Variants in GPCPD1 observed in about 807,000 individuals in gnomAD.
GPCPD1 encodes the protein glycerophosphocholine phosphodiesterase GPCPD1.
Under a neutral mutation model 89.2 loss-of-function variants are expected in GPCPD1, and 29 were observed. The ratio of observed to expected loss-of-function variants is 0.33; its 90% CI spans 0.24 to 0.44. The LOEUF (loss-of-function observed/expected upper bound fraction) is 0.44, where lower values mean the gene tolerates loss of function less well. Among genes scored for constraint, GPCPD1 ranks in the 20% least tolerant of loss-of-function variants. The probability of loss-of-function intolerance (pLI) is 1.00; values close to 1 mark genes in which losing one functional copy is unlikely to be tolerated. For missense variants in GPCPD1, 594 were observed against 808.9 expected (o/e 0.73, Z 3.22); for synonymous variants, 258 against 266.3 (o/e 0.97, Z 0.30).
intron 8 of GPCPD1, among the ~76,000 whole-genome samples, chr20:5,577,490 G>GAAA (rs763705757): frequency 8.4e-5 from 5 of 59,802 alleles, no homozygotes; most frequent in Admixed American, 1.9e-4. Context: ...CCTCTCTCCA[G>GAAA]AAAAAAAAAA....
In GPCPD1 at chr20:5,584,303, G is replaced by A. The variant is rs142496941; in HGVS notation, c.327C>T (p.Asp109=). 115 of 1,422,694 alleles carry A rather than the reference G, an allele frequency of 8.1e-5. No individual in the cohort carries two copies. In the East Asian group the frequency reaches 2.3e-3, roughly 28 times the overall value. 88.1% of individuals were successfully genotyped at this position (1,422,694 alleles called of 1,614,324 possible). A position where few individuals can be genotyped will look rare whatever the true frequency, so the allele number is the denominator to read the frequency against. Residue 109 remains aspartate (D), a synonymous_variant, in exon 6 of 20, where the codon GAC becomes GAT. Transcript: ENST00000379019. ...TACTGTGGATTCCAAATTGTCCATC[G>A]TCAATAATAATTTCGCTTTCTAGAA... The part of the protein sequence containing the change: ...ITPLESEIII[D]DGQFGIHNGV...
In GPCPD1 at chr20:5,576,040, T is replaced by TACACACAC. The variant is rs36119025; in HGVS notation, c.706-70_706-63dup. On this transcript the variant is annotated intron_variant, in intron 8 of 19. Transcript: ENST00000379019. Reference sequence around the variant, plus strand: ...AACTTCTACATTACATACATACATATACACACACACACACACACACAGACA... The same window carrying TACACACAC: ...AACTTCTACATTACATACATACATATACACACACACACACACACACACACACACAGACA... 2.5e-5 allele frequency: 15 copies of TACACACAC among 603,338 alleles called. No individual in the cohort carries two copies. The African/African-American group carries it at 2.6e-4, about 11-fold the overall frequency. 37.4% of individuals were successfully genotyped at this position (603,338 alleles called of 1,614,324 possible).
At chr20:5,583,155 CAG>C (rs758373986) in intron 6 of GPCPD1, among the ~76,000 whole-genome samples, 5 of 139,844 alleles carry the variant, frequency 3.6e-5, no homozygotes, top group East Asian at 2.1e-4. Context: ...ACCTGGGAGG[CAG>C]AGAGTGCGGT....
intron 4 of GPCPD1, among the ~76,000 whole-genome samples, chr20:5,591,613 T>C (rs1979332204): frequency 6.6e-6 from 1 of 152,224 alleles, no homozygotes; most frequent in South Asian, 2.1e-4. Context: ...TTCCAATAAT[T>C]TACATCATTT....
At chr20:5,572,086 A>G (rs1324004763) in intron 11 of GPCPD1, among the ~76,000 whole-genome samples, 1 of 151,582 alleles carries the variant, frequency 6.6e-6, no homozygotes, top group Non-Finnish European at 1.5e-5. Context: ...AGGTATGATG[A>G]CACATGCCTG....
At chr20:5,560,216 C>A in intron 16 of GPCPD1, 140 bp from the exon 17 acceptor site, 1 of 498,578 alleles carries the variant, frequency 2.0e-6, no homozygotes. Flanking sequence ...ATGATGAAAC[C>A]TGAAAAGATT....
At chr20:5,556,672 A>G (rs894795228) in intron 19 of GPCPD1, among the ~76,000 whole-genome samples, 16 of 152,214 alleles carry the variant, frequency 1.1e-4, no homozygotes, top group Non-Finnish European at 1.9e-4. Flanking sequence ...TCTTTATACT[A>G]AAGAAACCTT....
chr20:5,578,754 A>G, intron 7 of GPCPD1, 143 bp from the exon 8 acceptor site: 1 of 622,364 alleles, frequency 1.6e-6, no homozygotes, highest in Non-Finnish European at 2.9e-6. Context: ...TGCAAAGATT[A>G]CACATACTAC....
intron 11 of GPCPD1, among the ~76,000 whole-genome samples, chr20:5,571,325 T>G (rs946420962): frequency 4.6e-5 from 7 of 152,254 alleles, no homozygotes; most frequent in African/African-American, 1.4e-4. Context: ...TTCTAACTAT[T>G]AAACATTTTA....
At chr20:5,580,242 AC>A (rs1327989456) in intron 6 of GPCPD1, 111 bp from the exon 7 acceptor site, 5 of 563,964 alleles carry the variant, frequency 8.9e-6, no homozygotes, top group Non-Finnish European at 1.6e-5. Flanking sequence ...TTTTTTTTTA[AC>A]CTCCAAAGGA....
intron 19 of GPCPD1, 110 bp downstream of exon 19, chr20:5,557,831 CCTCA>C: frequency 1.6e-6 from 1 of 610,944 alleles, no homozygotes; most frequent in Non-Finnish European, 2.8e-6. Context: ...GTCAAGATAA[CCTCA>C]GGCTGAACTG....
intron 14 of GPCPD1, 52 bp from the exon 15 acceptor site, chr20:5,565,130 A>G: frequency 1.1e-6 from 1 of 904,338 alleles, no homozygotes; most frequent in South Asian, 1.3e-5. Context: ...CTATATCACT[A>G]AGAGCTTTCT....
At chr20:5,578,712 C>G (rs1025814038) in intron 7 of GPCPD1, 101 bp from the exon 8 acceptor site, 11 of 688,530 alleles carry the variant, frequency 1.6e-5, no homozygotes, top group African/African-American at 1.4e-4. Context: ...CCCAAATATG[C>G]TAAATCTTCG....
rs35980274 is a variant in GPCPD1 at position 5,577,065 on chromosome 20, GTT to G, written c.706-1089_706-1088del. 4.1e-3 allele frequency among the ~76,000 whole-genome samples: 467 copies of G among 113,848 alleles called. 1 individual carries two copies. The highest frequency in any genetic ancestry group is 0.014 in the African/African-American group (396 of 28,964). The allele number at this position is 113,848 out of a possible 152,430, so 74.7% of individuals were successfully genotyped here. ...CAAAAAAAAAGTTGTTTTTTTTTTT[GTT>G]TTTTTTTTTTTTTCTGAGATGGAGT... is the stretch of plus-strand genomic sequence containing the variant. On this transcript the variant is annotated intron_variant, in intron 8 of 19. Transcript: ENST00000379019.
At chr20:5,598,967 G>C (rs1392251953) in intron 2 of GPCPD1, 146 bp from the exon 3 acceptor site, 7 of 623,430 alleles carry the variant, frequency 1.1e-5, no homozygotes, top group Non-Finnish European at 2.0e-5. Flanking sequence ...TTGGGCCCAG[G>C]TACCTACCAC....
intron 7 of GPCPD1, among the ~76,000 whole-genome samples, chr20:5,579,450 C>T (rs781445922): frequency 2.4e-4 from 36 of 152,158 alleles, no homozygotes; most frequent in Non-Finnish European, 4.0e-4. Flanking sequence ...CGGGTTCAAG[C>T]GATTCTCCTG....
chr20:5,559,092 C>A (rs928677701), intron 17 of GPCPD1, among the ~76,000 whole-genome samples: 1 of 151,960 alleles, frequency 6.6e-6, no homozygotes, highest in African/African-American at 2.4e-5. Context: ...ATCCCAGCTA[C>A]CGAGGAGGCT....
At chr20:5,582,186 CA>C (rs1164754193) in intron 6 of GPCPD1, among the ~76,000 whole-genome samples, 174 of 36,252 alleles carry the variant, frequency 4.8e-3, no homozygotes, top group Middle Eastern at 0.026. Flanking sequence ...ACTCCCGTCT[CA>C]AAAAAAAAAA....
chr20:5,568,322 A>G (rs1450267507), intron 12 of GPCPD1, among the ~76,000 whole-genome samples: 1 of 151,062 alleles, frequency 6.6e-6, no homozygotes, highest in Non-Finnish European at 1.5e-5. Context: ...GTACATGCAT[A>G]AAGTTTTTCT....
Sources: gnomAD v4.1 joint callset for allele counts (sites outside exome capture counted in the v4.1 genomes callset) on GRCh38, gnomAD v4.1.1 for gene constraint, MANE v1.5 for transcripts, NCBI Gene and HGNC (gene_info 2026-07-23, HGNC 2026-07-21) for gene names.